SPOCK1: variants seen among roughly 807,000 people sequenced by gnomAD.
SPOCK1 encodes testican-1.
In SPOCK1, 23 loss-of-function variants were observed where a neutral mutation model predicts 55.3. The observed-to-expected ratio is 0.42, with a 90% CI of 0.30 to 0.59. SPOCK1 has a LOEUF of 0.59. Among genes scored for constraint, SPOCK1 ranks in the 20% least tolerant of loss-of-function variants. The probability of loss-of-function intolerance (pLI) is 0.22; values close to 1 mark genes in which losing one functional copy is unlikely to be tolerated. For synonymous variants in SPOCK1, 226 were observed against 221.0 expected (o/e 1.02, Z -0.20); for missense variants, 499 against 552.5 (o/e 0.90, Z 0.97).
At chr5:137,437,426 C>T (rs900981253) in intron 2 of SPOCK1, among the ~76,000 whole-genome samples, 1 of 152,122 alleles carries the variant, frequency 6.6e-6, no homozygotes, top group Admixed American at 6.5e-5. Context: ...GATCATCATC[C>T]GTATACCATA....
At chr5:137,133,489 A>C (rs767659545) in intron 4 of SPOCK1, among the ~76,000 whole-genome samples, 4 of 152,176 alleles carry the variant, frequency 2.6e-5, no homozygotes, top group Non-Finnish European at 1.5e-5. Flanking sequence ...AAAATTCCAC[A>C]TAATTATTCA....
At chr5:137,242,601 G>A (rs1756304052) in intron 3 of SPOCK1, among the ~76,000 whole-genome samples, 1 of 152,156 alleles carries the variant, frequency 6.6e-6, no homozygotes, top group South Asian at 2.1e-4. Flanking sequence ...AGCTAGACAT[G>A]GTGATGTACG....
In SPOCK1 at chr5:137,080,740, T is replaced by A. The variant is rs186542677; in HGVS notation, c.475-12911A>T. 1.7e-4 allele frequency among the ~76,000 whole-genome samples: 26 copies of A among 152,254 alleles called. 1 individual carries two copies. Among genetic ancestry groups the A allele is most frequent in the Admixed American group, 1.5e-3 (23 of 15,298 alleles). On this transcript the variant is annotated intron_variant, in intron 5 of 10. Coordinates refer to ENST00000394945, the MANE Select transcript of SPOCK1 (RefSeq NM_004598.4). Reference sequence around the variant, plus strand: ...AAGCCCCACAAAGCCCTGCCACAACTATCACCAAAGAAAGAACAAGTTTCT... The same window carrying A: ...AAGCCCCACAAAGCCCTGCCACAACAATCACCAAAGAAAGAACAAGTTTCT...
intron 3 of SPOCK1, 41 bp downstream of exon 3, chr5:137,266,969 T>C: frequency 6.3e-7 from 1 of 1,575,870 alleles, no homozygotes; most frequent in Non-Finnish European, 8.7e-7. Flanking sequence ...TGAGACCACA[T>C]TTACCACAGA....
At chr5:137,104,213 G>A (rs190842194) in intron 5 of SPOCK1, among the ~76,000 whole-genome samples, 187 of 152,214 alleles carry the variant, frequency 1.2e-3, no homozygotes, top group African/African-American at 4.0e-3. Context: ...GAGTTCTCAG[G>A]AGATCTGTTT....
intron 9 of SPOCK1, among the ~76,000 whole-genome samples, chr5:136,984,167 G>A (rs6872714): frequency 0.41 from 62,598 of 152,020 alleles, 13,420 homozygotes; most frequent in African/African-American, 0.47. Flanking sequence ...TAAAGAGTTC[G>A]AAATCCTGAC....
intron 9 of SPOCK1, among the ~76,000 whole-genome samples, chr5:136,983,413 C>T (rs1390205342): frequency 6.6e-6 from 1 of 152,202 alleles, no homozygotes; most frequent in East Asian, 1.9e-4. Context: ...GGAAAGGCTG[C>T]TGATGCCACA....
intron 5 of SPOCK1, among the ~76,000 whole-genome samples, chr5:137,092,440 G>C (rs1315817655): frequency 1.3e-5 from 2 of 152,180 alleles, no homozygotes; most frequent in South Asian, 4.1e-4. Context: ...CCCACTTGGC[G>C]CTTCTGCCAG....
intron 2 of SPOCK1, among the ~76,000 whole-genome samples, chr5:137,348,200 C>T (rs1489088786): frequency 6.6e-6 from 1 of 152,182 alleles, no homozygotes; most frequent in Non-Finnish European, 1.5e-5. Flanking sequence ...AGAAGGTAAA[C>T]AGGTTAGAGG....
rs970079295 is a variant in SPOCK1, at chr5:137,481,240, A to G, written c.186+17133T>C. Among the ~76,000 whole-genome samples the G allele has an allele frequency of 2.6e-5, 4 of 152,150 alleles. No individual in the cohort carries two copies. The South Asian group carries it at 8.3e-4, about 32-fold the overall frequency. ...CACTGGGATTGTATGACCCTCCCTG[A>G]GGCTCCCCTGGTGTCCTATGCTTCC... On this transcript the variant is annotated intron_variant, in intron 2 of 10. Transcript: ENST00000394945.
At chr5:137,329,875 G>A (rs1758139215) in intron 2 of SPOCK1, among the ~76,000 whole-genome samples, 1 of 152,178 alleles carries the variant, frequency 6.6e-6, no homozygotes, top group South Asian at 2.1e-4. Context: ...ACAAATGGTA[G>A]AAGGAAATGC....
intron 2 of SPOCK1, among the ~76,000 whole-genome samples, chr5:137,298,511 T>C (rs564961036): frequency 5.3e-5 from 8 of 152,188 alleles, no homozygotes; most frequent in African/African-American, 1.7e-4. Flanking sequence ...TAGGTCAAGA[T>C]GGTTGATTGC....
chr5:137,000,234 C>T (rs1751123819), intron 6 of SPOCK1, among the ~76,000 whole-genome samples: 1 of 152,196 alleles, frequency 6.6e-6, no homozygotes, highest in South Asian at 2.1e-4. Context: ...TGAATAATTA[C>T]TTAATCAGAG....
chr5:137,245,756 AAAAAC>A (rs1329664473), intron 3 of SPOCK1, among the ~76,000 whole-genome samples: 1 of 109,768 alleles, frequency 9.1e-6, no homozygotes, highest in South Asian at 2.9e-4. Context: ...CATTTGTTAA[AAAAAC>A]AAAACAAAAC....
chr5:137,265,249 T>C (rs1018288757), intron 3 of SPOCK1, among the ~76,000 whole-genome samples: 1 of 152,212 alleles, frequency 6.6e-6, no homozygotes, highest in African/African-American at 2.4e-5. Flanking sequence ...CCAATATGCA[T>C]TAGTAAAAGT....
chr5:137,387,124 T>C lies in SPOCK1; in HGVS notation c.186+111249A>G, dbSNP rs902221080. ...ACAACAATGAGATCCCATACACACCTATTAGAATGGCCAAAATCCAGAACA... is the reference window on the plus strand; with the variant it reads ...ACAACAATGAGATCCCATACACACCCATTAGAATGGCCAAAATCCAGAACA... On this transcript the variant is annotated intron_variant, in intron 2 of 10. Transcript: ENST00000394945. 5.3e-5 allele frequency among the ~76,000 whole-genome samples: 8 copies of C among 152,328 alleles called. No individual in the cohort carries two copies. In the East Asian group the frequency reaches 1.5e-3, roughly 29 times the overall value.
chr5:137,306,991 C>T (rs1005962568), intron 2 of SPOCK1, among the ~76,000 whole-genome samples: 2 of 152,134 alleles, frequency 1.3e-5, no homozygotes, highest in Admixed American at 6.5e-5. Context: ...CACACAGAAC[C>T]CTCCGGTAGG....
intron 2 of SPOCK1, among the ~76,000 whole-genome samples, chr5:137,439,436 G>C (rs1215577353): frequency 1.3e-5 from 2 of 152,172 alleles, no homozygotes; most frequent in African/African-American, 4.8e-5. Flanking sequence ...AGGCTGAAAA[G>C]CTCATGCTAT....
chr5:137,223,690 A>G (rs990240026), intron 3 of SPOCK1, among the ~76,000 whole-genome samples: 2 of 152,190 alleles, frequency 1.3e-5, no homozygotes, highest in South Asian at 2.1e-4. Context: ...CATGTTCTAA[A>G]TGTTCAAAAA....
Sources: gnomAD v4.1 joint callset for allele counts (sites outside exome capture counted in the v4.1 genomes callset) on GRCh38, gnomAD v4.1.1 for gene constraint, MANE v1.5 for transcripts, NCBI Gene and HGNC (gene_info 2026-07-23, HGNC 2026-07-21) for gene names.